The following ANKRD31 variants were observed in gnomAD, a reference collection of about 807,000 sequenced individuals.
ANKRD31 encodes ankyrin repeat domain 31.
Under a neutral mutation model 186.0 loss-of-function variants are expected in ANKRD31, and 147 were observed. The ratio of observed to expected loss-of-function variants is 0.79; its 90% confidence interval spans 0.69 to 0.91. The LOEUF is 0.91. Among genes scored for constraint, ANKRD31 ranks in the 40% least tolerant of loss-of-function variants. ANKRD31 has a pLI of 0.00. For synonymous variants in ANKRD31, 673 were observed against 736.4 expected (o/e 0.91, Z 1.39); for missense variants, 1,986 against 2,148.8 (o/e 0.92, Z 1.50).
At chr5:75,073,849 A>C (rs549001459) in intron 25 of ANKRD31, among the ~76,000 whole-genome samples, 40 of 152,230 alleles carry the variant, frequency 2.6e-4, no homozygotes, top group African/African-American at 9.6e-4. Flanking sequence ...TTTTAGGCCC[A>C]CCTCCTCTTT....
chr5:75,096,836 C>G (rs1051186773), intron 22 of ANKRD31, among the ~76,000 whole-genome samples: 1 of 148,402 alleles, frequency 6.7e-6, no homozygotes, highest in African/African-American at 2.5e-5. Context: ...TGACAGGCCC[C>G]AGTGTGATTT....
At chr5:75,122,373 T>C (rs1055054631) in intron 17 of ANKRD31, among the ~76,000 whole-genome samples, 2 of 151,824 alleles carry the variant, frequency 1.3e-5, no homozygotes, top group Non-Finnish European at 2.9e-5. Flanking sequence ...CCAATTTTAA[T>C]GAAACTGTTC....
At chr5:75,172,215 T>C (rs1753383920) in intron 10 of ANKRD31, among the ~76,000 whole-genome samples, 1 of 151,926 alleles carries the variant, frequency 6.6e-6, no homozygotes. Flanking sequence ...CATGACCAGA[T>C]ACAGTTTATT....
chr5:75,181,506 T>C (rs1178674746), intron 10 of ANKRD31, among the ~76,000 whole-genome samples: 6 of 151,762 alleles, frequency 4.0e-5, no homozygotes, highest in Non-Finnish European at 4.4e-5. Context: ...CAACAATAGA[T>C]TGGATTAAGA....
At chr5:75,118,911 T>G (rs1250692467) in intron 17 of ANKRD31, among the ~76,000 whole-genome samples, 4 of 151,960 alleles carry the variant, frequency 2.6e-5, no homozygotes, top group African/African-American at 9.7e-5. Flanking sequence ...GGGGTAAGAG[T>G]TGCTTCAGGG....
chr5:75,190,977 A>G lies in ANKRD31; in HGVS notation c.1408+1690T>C, dbSNP rs982212716. Among the ~76,000 whole-genome samples, 71 of 152,122 alleles carry G rather than the reference A, an allele frequency of 4.7e-4. 1 individual carries two copies. The highest frequency in any genetic ancestry group is 4.7e-3 in the Admixed American group (71 of 15,256). ...GTGTATATTTCCATACAATTTTTTT[A>G]AATGTATGTAGTTAATTTTATCATT... On this transcript the variant is annotated intron_variant, in intron 9 of 25. Coordinates refer to ENST00000506364, the MANE Select transcript of ANKRD31 (RefSeq NM_001372053.1).
rs1372577906 is a variant in ANKRD31, at chr5:75,230,630, A to G, written c.110T>C (p.Leu37Pro). 1 of 1,532,448 alleles carries G rather than the reference A, an allele frequency of 6.5e-7. No individual in the cohort carries two copies. Among genetic ancestry groups the G allele is most frequent in the Non-Finnish European group, 8.7e-7 (1 of 1,146,202 alleles). 94.9% of individuals were successfully genotyped at this position (1,532,448 alleles called of 1,614,324 possible). The change falls in exon 2 of 26, where the codon CTG (leucine) becomes CCG (proline). Residue 37 changes from leucine (L) to proline (P), a missense_variant. Leu to Pro is a moderately conservative substitution (Grantham distance 98). Transcript: ENST00000506364. ...EEKELPWRRLLFDQDASLKSE... is the reference protein window; with the variant it reads ...EEKELPWRRLPFDQDASLKSE... ...TTTAAGAGATGCGTCTTGATCAAAC[A>G]GCAACCTTTCAAATACCAAAAGGGA... is the stretch of plus-strand genomic sequence containing the variant.
chr5:75,152,330 G>C (rs1751893700), intron 12 of ANKRD31, among the ~76,000 whole-genome samples: 1 of 152,016 alleles, frequency 6.6e-6, no homozygotes, highest in African/African-American at 2.4e-5. Context: ...CTTTAGCAGA[G>C]GATAGGTTTC....
At position 75,104,844 on chromosome 5, in the gene ANKRD31, T is replaced by C. The variant is rs776797262; in HGVS notation, c.4715A>G (p.Asn1572Ser). Residue 1572 changes from asparagine to serine, a missense_variant, in exon 22 of 26, where the codon AAT becomes AGT. Asn to Ser is a conservative substitution (Grantham distance 46). Transcript: ENST00000506364. ...EAVRRGEFSGNDMNSKQNGSD... is the reference protein window; with the variant it reads ...EAVRRGEFSGSDMNSKQNGSD... ...GCCATTTTGTTTAGAATTCATATCA[T>C]TTCCAGAAAATTCTCCCCTTCTCAC... 6.5e-7 allele frequency: 1 copy of C among 1,537,210 alleles called. No homozygotes were observed. The highest frequency in any genetic ancestry group is 1.2e-5 in the South Asian group (1 of 84,048).
At chr5:75,221,632 C>T (rs942409557) in intron 3 of ANKRD31, among the ~76,000 whole-genome samples, 8 of 152,180 alleles carry the variant, frequency 5.3e-5, no homozygotes, top group African/African-American at 1.9e-4. Context: ...TTGAACAACA[C>T]AGGCTTGAAC....
At chr5:75,096,864 A>G (rs1002034516) in intron 22 of ANKRD31, among the ~76,000 whole-genome samples, 1 of 141,576 alleles carries the variant, frequency 7.1e-6, no homozygotes, top group Non-Finnish European at 1.5e-5. Flanking sequence ...TCTGTGTTCA[A>G]GTGTTCTCAC....
intron 20 of ANKRD31, among the ~76,000 whole-genome samples, chr5:75,110,987 A>G (rs1215236402): frequency 3.3e-5 from 5 of 151,884 alleles, no homozygotes; most frequent in African/African-American, 1.2e-4. Flanking sequence ...TCCTAAGAAG[A>G]TAATACGTGT....
chr5:75,171,851 GA>G lies in ANKRD31; in HGVS notation c.1565-2731del, dbSNP rs59111987. ...CTAATTCTGTCAAACATTTAAGAAAGAAAAAAAAAAAACTTAAATGTTAGAC... is the reference window on the plus strand; with the variant it reads ...CTAATTCTGTCAAACATTTAAGAAAGAAAAAAAAAAACTTAAATGTTAGAC... On this transcript the variant is annotated intron_variant, in intron 10 of 25. Transcript: ENST00000506364. 3.9e-3 allele frequency among the ~76,000 whole-genome samples: 529 copies of G among 134,260 alleles called. 10 individuals carry two copies. In the East Asian group the frequency reaches 0.066, roughly 17 times the overall value. 88.1% of individuals were successfully genotyped at this position (134,260 alleles called of 152,430 possible). A position where few individuals can be genotyped will look rare whatever the true frequency, so the allele number is the denominator to read the frequency against.
chr5:75,090,416 A>G (rs1383544321), intron 23 of ANKRD31, among the ~76,000 whole-genome samples: 2 of 152,188 alleles, frequency 1.3e-5, no homozygotes, highest in African/African-American at 2.4e-5. Flanking sequence ...GACACAGAAT[A>G]TAGACTTTAG....
intron 17 of ANKRD31, among the ~76,000 whole-genome samples, chr5:75,135,375 G>C (rs563787249): frequency 1.6e-4 from 25 of 152,248 alleles, no homozygotes; most frequent in African/African-American, 5.8e-4. Flanking sequence ...ACCAATAACA[G>C]ACAAACAGAG....
chr5:75,147,339 A>G lies in ANKRD31; in HGVS notation c.2072T>C (p.Phe691Ser), dbSNP rs1040498217. Reference sequence around the variant, plus strand: ...TGATTGTTTATGCTTGGATTTACCAAATTTTGTGTTTTTGGGATCTTTTTG... The same window carrying G: ...TGATTGTTTATGCTTGGATTTACCAGATTTTGTGTTTTTGGGATCTTTTTG... Reference protein sequence around the residue: ...YYQKDPKNTKFGKSKHKQSTL... With the variant: ...YYQKDPKNTKSGKSKHKQSTL... The change falls in exon 14 of 26, where the codon TTT becomes TCT. Residue 691 changes from phenylalanine to serine, a missense_variant. Physicochemically the swap from Phe to Ser is radical, Grantham distance 155. Coordinates refer to ENST00000506364, the MANE Select transcript of ANKRD31 (RefSeq NM_001372053.1). 2 of 1,532,784 alleles carry G rather than the reference A, an allele frequency of 1.3e-6. No individual in the cohort carries two copies. The highest frequency in any genetic ancestry group is 4.0e-5 in the Admixed American group (2 of 50,208). The allele number at this position is 1,532,784 out of a possible 1,614,324, so 94.9% of individuals were successfully genotyped here. A position where few individuals can be genotyped will look rare whatever the true frequency, so the allele number is the denominator to read the frequency against.
At chr5:75,179,746 G>C (rs972284086) in intron 10 of ANKRD31, among the ~76,000 whole-genome samples, 11 of 152,104 alleles carry the variant, frequency 7.2e-5, no homozygotes, top group African/African-American at 2.4e-5. Context: ...AATTATAAGA[G>C]CTATCTATGA....
Position 75,118,169 on chromosome 5 carries a change from A to G in ANKRD31, c.4005T>C (p.Thr1335=). 1 of 1,511,112 alleles carries G rather than the reference A, an allele frequency of 6.6e-7. No individual in the cohort carries two copies. The highest frequency in any genetic ancestry group is 8.8e-7 in the Non-Finnish European group (1 of 1,139,058). 93.6% of individuals were successfully genotyped at this position (1,511,112 alleles called of 1,614,324 possible). Residue 1335 remains threonine, a synonymous_variant, in exon 18 of 26, where the codon ACT becomes ACC. Transcript: ENST00000506364. The part of the protein sequence containing the change: ...ELLRSYGAIE[T]VNRDESDAIV... ...TAGCATCACTCTCATCTCTATTAAC[A>G]GTCTCAATAGCACCATAAGATCTTA...
chr5:75,089,841 T>A (rs189426708), intron 23 of ANKRD31, among the ~76,000 whole-genome samples: 2 of 152,326 alleles, frequency 1.3e-5, no homozygotes, highest in East Asian at 3.9e-4. Flanking sequence ...TTGACATGGC[T>A]ATGAGAAAAT....
Sources: allele counts gnomAD v4.1 joint callset (sites outside exome capture counted in the v4.1 genomes callset), GRCh38; gene constraint gnomAD v4.1.1; transcripts MANE v1.5; gene names NCBI Gene and HGNC (gene_info 2026-07-23, HGNC 2026-07-21).